The following ERMP1 variants were observed in gnomAD, a reference collection of about 807,000 sequenced individuals.
The protein encoded by ERMP1 is endoplasmic reticulum metallopeptidase 1.
A neutral mutation model predicts 92.0 loss-of-function variants in ERMP1; 86 were observed. That is an observed-to-expected ratio of 0.93 (90% CI 0.79 to 1.12). The LOEUF is 1.12. Ranked by LOEUF, ERMP1 falls within the 50% of genes most tolerant of loss-of-function variation. The pLI, the probability that ERMP1 is intolerant of heterozygous loss-of-function variation, is 0.00. For synonymous variants in ERMP1, 530 were observed against 412.8 expected, an observed-to-expected ratio of 1.28 and a Z score of -3.44; for missense variants, 1,342 against 1,116.3, an observed-to-expected ratio of 1.20 and a Z score of -2.88.
intron 2 of ERMP1, among the ~76,000 whole-genome samples, chr9:5,828,821 C>T (rs950059108): frequency 1.3e-5 from 2 of 152,172 alleles, no homozygotes; most frequent in Non-Finnish European, 2.9e-5. Flanking sequence ...GCTGCTAATT[C>T]TTGTATATAC....
chr9:5,863,475 C>T (rs1469343091), intron 5 of ERMP1, among the ~76,000 whole-genome samples: 1 of 152,136 alleles, frequency 6.6e-6, no homozygotes, highest in Admixed American at 6.5e-5. Context: ...AACCAGAGGG[C>T]AAAGCCTGCC....
rs774826469 is a variant in ERMP1 at position 5,787,226 on chromosome 9, T to G, written c.2633A>C (p.Gln878Pro). The change falls in exon 15 of 15, where the codon CAA becomes CCA. Residue 878 changes from glutamine to proline, a missense_variant. By Grantham distance (76) the Gln-to-Pro change is moderately conservative. Transcript: ENST00000339450. ...YLSGEDKRSP[Q>P]LDALKEKFPD... ...GAACTTTTCCTTCAGAGCATCCAGT[T>G]GAGGGGATCTCTTGTCTTCCCCAGA... is the stretch of plus-strand genomic sequence containing the variant. 8 of 1,614,058 alleles carry G rather than the reference T, an allele frequency of 5.0e-6. No individual in the cohort carries two copies. The South Asian group carries it at 8.8e-5, about 18-fold the overall frequency.
At chr9:5,832,603 G>A in intron 1 of ERMP1, 87 bp downstream of exon 1, 1 of 1,084,838 alleles carries the variant, frequency 9.2e-7, no homozygotes, top group Non-Finnish European at 1.2e-6. Context: ...TCCGGCAGGG[G>A]CGGGTGCACA....
chr9:5,792,295 G>C (rs905212460), intron 13 of ERMP1, among the ~76,000 whole-genome samples: 1 of 152,130 alleles, frequency 6.6e-6, no homozygotes, highest in African/African-American at 2.4e-5. Context: ...ATCGATATTT[G>C]AAAGATAAAC....
intron 7 of ERMP1, among the ~76,000 whole-genome samples, chr9:5,810,613 A>G (rs919767432): frequency 6.6e-6 from 1 of 152,250 alleles, no homozygotes; most frequent in African/African-American, 2.4e-5. Context: ...ATAAGGTAAC[A>G]TAAGAAGATA....
chr9:5,826,397 T>G (rs2129660429), intron 2 of ERMP1, among the ~76,000 whole-genome samples: 1 of 152,324 alleles, frequency 6.6e-6, no homozygotes, highest in South Asian at 2.1e-4. Context: ...TATTTCCTGG[T>G]TGAAAGAGCA....
At chr9:5,854,065 G>A (rs910957623) in intron 6 of ERMP1, among the ~76,000 whole-genome samples, 41 of 151,866 alleles carry the variant, frequency 2.7e-4, no homozygotes, top group African/African-American at 9.7e-4. Context: ...TAACAAAGGG[G>A]GATAAATTGT....
intron 6 of ERMP1, among the ~76,000 whole-genome samples, chr9:5,850,405 C>CAAAAAAAAAAA (rs59464514): frequency 4.9e-5 from 2 of 40,586 alleles, no homozygotes; most frequent in African/African-American, 2.2e-4. Flanking sequence ...AACTCCGTCT[C>CAAAAAAAAAAA]AAAAAAAAAA....
intron 6 of ERMP1, among the ~76,000 whole-genome samples, chr9:5,853,217 TGGAAATTTATGCCACCTTCACAAAG>T (rs1181116320): frequency 6.6e-6 from 1 of 152,184 alleles, no homozygotes; most frequent in Admixed American, 6.5e-5. Flanking sequence ...AGGAGAAGGG[TGGAAATTTATGCCACCTTCACAAAG>T]GGAAATTTAT....
rs143084337 is a variant in ERMP1 at position 5,787,296 on chromosome 9, G to A, written c.2563C>T (p.His855Tyr). The A allele has an allele frequency of 6.2e-7, 1 of 1,612,492 alleles. No homozygotes were observed. Among genetic ancestry groups the A allele is most frequent in the African/African-American group, 1.3e-5 (1 of 74,880 alleles). ...FWIEVQVSEEHPEGMVTVAIA... is the reference protein window; with the variant it reads ...FWIEVQVSEEYPEGMVTVAIA... ...GCCACGGTGACCATTCCTTCAGGAT[G>A]TTCTTCTGAAACCTGCCAGAGAAAA... The change falls in exon 15 of 15, where the codon CAT (histidine) becomes TAT (tyrosine). Residue 855 changes from histidine to tyrosine, a missense_variant. Transcript: ENST00000339450.
At position 5,844,658 on chromosome 9, in the gene ERMP1, G is replaced by A. The variant is rs145763942; in HGVS notation, n.3200-11346C>T. ...CTTTGCGGAGAACTGTCAAGGAGCC[G>A]CTTGGTCAGAAGAGCAGGAACTCCT... On this transcript the variant is annotated intron_variant and non_coding_transcript_variant, in intron 6 of 6. Coordinates refer to the ERMP1 transcript ENST00000690753. Among the ~76,000 whole-genome samples the A allele has an allele frequency of 5.5e-3, 838 of 152,334 alleles. 2 individuals are homozygous for A. The highest frequency in any genetic ancestry group is 9.5e-3 in the Non-Finnish European group (645 of 68,036).
In ERMP1 at chr9:5,808,326, C is replaced by G. The variant is rs1377737303; in HGVS notation, c.1548+1685G>C. ...CCAATCAACAATAGTTAGCCACACT[C>G]TGATTACATACAATTACAATAAAAA... On this transcript the variant is annotated intron_variant, in intron 8 of 14. Transcript: ENST00000339450. 2.0e-5 allele frequency among the ~76,000 whole-genome samples: 3 copies of G among 152,242 alleles called. No individual in the cohort carries two copies. In the South Asian group the frequency reaches 6.2e-4, roughly 32 times the overall value.
upstream of ERMP1, among the ~76,000 whole-genome samples, chr9:5,836,963 T>G (rs1830102648): frequency 6.6e-6 from 1 of 152,178 alleles, no homozygotes; most frequent in Admixed American, 6.5e-5. Flanking sequence ...TCCCCTGTGT[T>G]TTCTACGTCC....
intron 13 of ERMP1, among the ~76,000 whole-genome samples, chr9:5,797,051 T>G (rs1745888): frequency 0.064 from 8,780 of 137,704 alleles, 799 homozygotes; most frequent in African/African-American, 0.2. Context: ...AAAATAATTT[T>G]TATTTTTGAG....
At position 5,809,033 on chromosome 9, in the gene ERMP1, C is replaced by CT. The variant is rs547028453; in HGVS notation, c.1548+977dup. Among the ~76,000 whole-genome samples the CT allele has an allele frequency of 7.4e-3, 1,113 of 151,360 alleles. 13 individuals carry two copies. The highest frequency in any genetic ancestry group is 9.5e-3 in the Non-Finnish European group (642 of 67,714). ...AGCACCCAGCCCATAGCCCTAATTT[C>CT]TTTTTTTTGAGACAGAATCTCGCTG... On this transcript the variant is annotated intron_variant, in intron 8 of 14. Transcript: ENST00000339450.
intron 6 of ERMP1, among the ~76,000 whole-genome samples, chr9:5,850,308 G>C (rs1830292430): frequency 6.8e-6 from 1 of 147,580 alleles, no homozygotes; most frequent in Admixed American, 7.0e-5. Context: ...TGGAGGCTGA[G>C]GCAGGAGAAC....
intron 6 of ERMP1, among the ~76,000 whole-genome samples, chr9:5,858,808 A>G (rs1172525097): frequency 6.6e-6 from 1 of 152,190 alleles, no homozygotes; most frequent in Admixed American, 6.5e-5. Context: ...GTCATGCTCC[A>G]TAGAAGCTGG....
intron 4 of ERMP1, among the ~76,000 whole-genome samples, chr9:5,819,857 C>G (rs764439255): frequency 1.3e-5 from 2 of 152,086 alleles, no homozygotes; most frequent in African/African-American, 4.8e-5. Context: ...AGGCAGTTGC[C>G]TAGGGATGGG....
chr9:5,787,311 G>A lies in ERMP1; in HGVS notation c.2551-3C>T, dbSNP rs199540937. On this transcript the variant is annotated splice_region_variant and splice_polypyrimidine_tract_variant and intron_variant, in intron 14 of 14. Transcript: ENST00000339450. ...CCTTCAGGATGTTCTTCTGAAACCT[G>A]CCAGAGAAAATCAATTAGTTCTCCA... The A allele has an allele frequency of 4.6e-4, 743 of 1,610,592 alleles. No individual in the cohort carries two copies. Among genetic ancestry groups the A allele is most frequent in the Non-Finnish European group, 5.1e-4 (602 of 1,178,680 alleles).
Sources: allele counts gnomAD v4.1 joint callset (sites outside exome capture counted in the v4.1 genomes callset), GRCh38; gene constraint gnomAD v4.1.1; transcripts MANE v1.5; gene names NCBI Gene and HGNC (gene_info 2026-07-23, HGNC 2026-07-21).